The following GYS2 variants were observed in gnomAD, a reference collection of about 807,000 sequenced individuals.
GYS2 encodes the protein glycogen [starch] synthase, liver.
A neutral mutation model predicts 85.6 loss-of-function variants in GYS2; 80 were observed. That is an observed-to-expected ratio of 0.93 (90% CI 0.78 to 1.13). The LOEUF (loss-of-function observed/expected upper bound fraction) is 1.13, where lower values mean the gene tolerates loss of function less well. Among genes scored for constraint, GYS2 ranks in the 50% most tolerant of loss-of-function variants. GYS2 has a pLI of 0.00. For missense variants in GYS2, 881 were observed against 854.9 expected (o/e 1.03, Z -0.38); for synonymous variants, 328 against 300.7 (o/e 1.09, Z -0.94).
intron 1 of GYS2, among the ~76,000 whole-genome samples, chr12:21,604,198 C>T (rs184354154): frequency 6.6e-6 from 1 of 151,998 alleles, no homozygotes; most frequent in African/African-American, 2.4e-5. Context: ...TCTATGTTGT[C>T]ATAATATGGA....
intron 5 of GYS2, 66 bp from the exon 6 acceptor site, chr12:21,563,411 A>T (rs1011096036): frequency 2.2e-5 from 19 of 848,068 alleles, no homozygotes; most frequent in African/African-American, 1.7e-5. Context: ...TGTAGAAAAA[A>T]GTATCTTTAA....
chr12:21,576,814 T>A (rs952025147), intron 2 of GYS2, among the ~76,000 whole-genome samples: 3 of 152,326 alleles, frequency 2.0e-5, no homozygotes, highest in Admixed American at 1.3e-4. Context: ...ATTTCTATAG[T>A]AATTTACTTG....
intron 4 of GYS2, among the ~76,000 whole-genome samples, chr12:21,570,725 G>A (rs867752729): frequency 6.6e-6 from 1 of 152,226 alleles, no homozygotes; most frequent in Non-Finnish European, 1.5e-5. Context: ...AAGAGACAGA[G>A]GCTGGTCGGA....
chr12:21,584,753 T>C (rs560762609), intron 1 of GYS2, among the ~76,000 whole-genome samples: 21 of 152,214 alleles, frequency 1.4e-4, no homozygotes, highest in Admixed American at 1.2e-3. Flanking sequence ...TGGATATGGG[T>C]TTCCCAATCC....
At chr12:21,602,582 G>T (rs1944766781) in intron 1 of GYS2, among the ~76,000 whole-genome samples, 1 of 151,998 alleles carries the variant, frequency 6.6e-6, no homozygotes, top group African/African-American at 2.4e-5. Context: ...ATATCAACTT[G>T]TGTAAATCAC....
downstream of GYS2, among the ~76,000 whole-genome samples, chr12:21,533,298 GAGA>G: frequency 6.6e-6 from 1 of 152,328 alleles, no homozygotes; most frequent in Middle Eastern, 3.4e-3. Context: ...TAAGAGAGGA[GAGA>G]AGAAGGCGAA....
At chr12:21,588,084 G>T (rs1944593886) in intron 1 of GYS2, among the ~76,000 whole-genome samples, 1 of 152,320 alleles carries the variant, frequency 6.6e-6, no homozygotes, top group African/African-American at 2.4e-5. Flanking sequence ...ATGAGCTAGA[G>T]CAAGGGGATG....
chr12:21,574,639 A>G (rs533231528), intron 3 of GYS2, among the ~76,000 whole-genome samples: 2 of 152,140 alleles, frequency 1.3e-5, no homozygotes, highest in African/African-American at 4.8e-5. Context: ...CAAAGTAGGC[A>G]CTCAAAAAAT....
intron 13 of GYS2, among the ~76,000 whole-genome samples, chr12:21,541,572 G>T (rs902579397): frequency 6.6e-6 from 1 of 152,054 alleles, no homozygotes; most frequent in African/African-American, 2.4e-5. Flanking sequence ...TCAAAATTCA[G>T]GGAGGAAAAA....
Position 21,542,610 on chromosome 12 carries a change from C to G in GYS2, c.1550-19G>C, listed in dbSNP as rs1290010242. On this transcript the variant is annotated intron_variant, in intron 12 of 15. Coordinates refer to ENST00000261195, the MANE Select transcript of GYS2 (RefSeq NM_021957.4). ...CATTCAGCTGCCAGGGGAAATAGAC[C>G]AAAGCTTGGCTTCAGACCAGCGCCT... The G allele has an allele frequency of 5.2e-6, 8 of 1,550,858 alleles. No homozygotes were observed. Among genetic ancestry groups the G allele is most frequent in the Non-Finnish European group, 5.3e-6 (6 of 1,122,400 alleles).
rs916115807 is a variant in GYS2, at chr12:21,543,350, T to C, written c.1550-759A>G. Among the ~76,000 whole-genome samples, 8 of 152,138 alleles carry C rather than the reference T, an allele frequency of 5.3e-5. No individual in the cohort carries two copies. In the East Asian group the frequency reaches 1.2e-3, roughly 22 times the overall value. ...TGCAAATGTTTCCTCTTGGTTTAGC[T>C]GTATAGCTGTGGAGTTGTGGTTCTC... On this transcript the variant is annotated intron_variant, in intron 12 of 15. Transcript: ENST00000261195.
chr12:21,565,984 C>A (rs1251671021), intron 5 of GYS2, among the ~76,000 whole-genome samples: 1 of 152,042 alleles, frequency 6.6e-6, no homozygotes, highest in Non-Finnish European at 1.5e-5. Flanking sequence ...TTTTTTAAAG[C>A]AACATAAGAT....
rs113801033 is a variant in GYS2, at chr12:21,568,562, A to G, written c.823+303T>C. ...GGCTTTCATTTTCTCAAAAGACAAGAGTCAACCGAACTTCCTTACACATAC... is the reference window on the plus strand; with the variant it reads ...GGCTTTCATTTTCTCAAAAGACAAGGGTCAACCGAACTTCCTTACACATAC... On this transcript the variant is annotated intron_variant, in intron 5 of 15. Transcript: ENST00000261195. Among the ~76,000 whole-genome samples the G allele has an allele frequency of 3.9e-5, 6 of 152,360 alleles. 1 individual carries two copies. The highest frequency in any genetic ancestry group is 1.4e-4 in the African/African-American group (6 of 41,584).
In GYS2 at chr12:21,545,663, A is replaced by G. The variant is rs141729701; in HGVS notation, c.1549+681T>C. On this transcript the variant is annotated intron_variant, in intron 12 of 15. Transcript: ENST00000261195. ...AGTTCGGTCCAGAAAAGAAAAATAC[A>G]TAGTAAACCTGAGAAACTACCATCT... is the stretch of plus-strand genomic sequence containing the variant. Among the ~76,000 whole-genome samples the G allele has an allele frequency of 7.6e-3, 1,159 of 152,338 alleles. 16 individuals carry two copies. The highest frequency in any genetic ancestry group is 0.026 in the African/African-American group (1,093 of 41,562).
intron 1 of GYS2, among the ~76,000 whole-genome samples, chr12:21,588,019 A>C (rs1405031224): frequency 6.6e-6 from 1 of 152,178 alleles, no homozygotes; most frequent in Non-Finnish European, 1.5e-5. Flanking sequence ...CTAAATAATA[A>C]TCACATGTGA....
chr12:21,582,628 GATATAGATATAT>G (rs1295039961), intron 1 of GYS2, among the ~76,000 whole-genome samples: 2 of 112,010 alleles, frequency 1.8e-5, no homozygotes, highest in East Asian at 2.2e-4. Context: ...TATAGATATA[GATATAGATATAT>G]ATCTCCTATT....
chr12:21,550,604 G>T (rs1944095993), intron 11 of GYS2, among the ~76,000 whole-genome samples: 1 of 152,100 alleles, frequency 6.6e-6, no homozygotes, highest in Non-Finnish European at 1.5e-5. Context: ...CCACCAAATG[G>T]CTTTAGAACT....
At position 21,536,900 on chromosome 12, in the gene GYS2, A is replaced by G; in HGVS notation, c.*54T>C. ...AATTTGTGGCATTTTTATTTTAAAT[A>G]ATTAGTCTTACTTTGCTTTTTTAAA... On this transcript the variant is annotated 3_prime_UTR_variant, in exon 16 of 16. Transcript: ENST00000261195. 8.3e-7 allele frequency: 1 copy of G among 1,199,950 alleles called. No individual in the cohort carries two copies. Among genetic ancestry groups the G allele is most frequent in the South Asian group, 1.2e-5 (1 of 82,018 alleles). The allele number at this position is 1,199,950 out of a possible 1,614,324, so 74.3% of individuals were successfully genotyped here.
chr12:21,599,359 G>T (rs1053188193), intron 1 of GYS2, among the ~76,000 whole-genome samples: 2 of 152,084 alleles, frequency 1.3e-5, no homozygotes, highest in Non-Finnish European at 2.9e-5. Flanking sequence ...TGTGACAAAG[G>T]TCAGCAAATA....
Sources: gnomAD v4.1 joint callset for allele counts (sites outside exome capture counted in the v4.1 genomes callset) on GRCh38, gnomAD v4.1.1 for gene constraint, MANE v1.5 for transcripts, NCBI Gene and HGNC (gene_info 2026-07-23, HGNC 2026-07-21) for gene names.